The following MDN1 variants were observed in gnomAD, a reference collection of about 807,000 sequenced individuals.
The protein encoded by MDN1 is midasin.
MDN1 carries 266 observed loss-of-function variants against 669.2 expected under a neutral mutation model. The observed-to-expected ratio is 0.40, with a 90% confidence interval of 0.36 to 0.44. MDN1 has a LOEUF of 0.44. MDN1 is among the 20% of genes least tolerant of loss of function. MDN1 has a pLI of 1.00. For synonymous variants in MDN1, 2,385 were observed against 2,457.1 expected (o/e 0.97, Z 0.87); for missense variants, 5,940 against 6,754.0 (o/e 0.88, Z 4.22).
At chr6:89,756,017 T>C (rs1817226230) in intron 20 of MDN1, among the ~76,000 whole-genome samples, 1 of 152,182 alleles carries the variant, frequency 6.6e-6, no homozygotes, top group Non-Finnish European at 1.5e-5. Context: ...GCTATGAATA[T>C]AGAGGTAATC....
Position 89,668,113 on chromosome 6 carries a change from A to T in MDN1, c.13995T>A (p.Ala4665=). The part of the protein sequence containing the change: ...CLPKEFMEDS[A]GEGATEFHDY... ...CATGGAACTCAGTTGCTCCCTCTCC[A>T]GCTGAATCTTCCATAAATTCTTTGG... The change falls in exon 84 of 102, where the codon GCT becomes GCA. Residue 4665 remains alanine (A), a synonymous_variant. Transcript: ENST00000369393. 6.2e-7 allele frequency: 1 copy of T among 1,614,108 alleles called. No individual in the cohort carries two copies. Among genetic ancestry groups the T allele is most frequent in the Non-Finnish European group, 8.5e-7 (1 of 1,180,006 alleles).
chr6:89,702,600 T>C (rs963669082), intron 53 of MDN1, among the ~76,000 whole-genome samples: 3 of 152,260 alleles, frequency 2.0e-5, no homozygotes, highest in Non-Finnish European at 4.4e-5. Context: ...TCCAAGAAGA[T>C]ATTCTATTCA....
intron 53 of MDN1, among the ~76,000 whole-genome samples, chr6:89,703,818 C>T (rs1813335507): frequency 1.3e-5 from 2 of 151,940 alleles, no homozygotes; most frequent in South Asian, 4.2e-4. Context: ...TCCAGAACAG[C>T]CTGGCCAACA....
intron 74 of MDN1, among the ~76,000 whole-genome samples, 184 bp downstream of exon 74, chr6:89,680,405 T>C (rs1363109019): frequency 2.6e-5 from 4 of 152,234 alleles, no homozygotes; most frequent in Admixed American, 2.6e-4. Context: ...AAAATTATGA[T>C]TGTGTGTTCT....
At chr6:89,730,111 T>TA (rs1481256296) in intron 35 of MDN1, among the ~76,000 whole-genome samples, 4 of 152,210 alleles carry the variant, frequency 2.6e-5, no homozygotes, top group African/African-American at 9.6e-5. Context: ...GTAGCTAATC[T>TA]AACTGCCTCA....
At chr6:89,739,932 T>C (rs1285541523) in intron 32 of MDN1, among the ~76,000 whole-genome samples, 2 of 152,166 alleles carry the variant, frequency 1.3e-5, no homozygotes, top group African/African-American at 4.8e-5. Flanking sequence ...ACTACAATAA[T>C]AACTTTCTTG....
At chr6:89,650,384 C>T (rs2273240) in intron 96 of MDN1, among the ~76,000 whole-genome samples, 186 bp from the exon 97 acceptor site, 149,698 of 152,338 alleles carry the variant, frequency 0.98, 73,571 homozygotes, top group African/African-American at 1. Flanking sequence ...AAACTGGACA[C>T]GTATGTGGCA....
intron 14 of MDN1, among the ~76,000 whole-genome samples, chr6:89,772,276 CA>C (rs1818121681): frequency 6.6e-6 from 1 of 151,304 alleles, no homozygotes; most frequent in African/African-American, 2.4e-5. Flanking sequence ...GACCCTGTCT[CA>C]AAAAGAATAA....
rs12530146 is a variant in MDN1 at position 89,699,023 on chromosome 6, C to T, written c.9010G>A (p.Glu3004Lys). 0.085 allele frequency: 137,043 copies of T among 1,611,302 alleles called. 7,002 individuals are homozygous for T. Among genetic ancestry groups the T allele is most frequent in the East Asian group, 0.21 (9,419 of 44,842 alleles). The change falls in exon 59 of 102, where the codon GAA becomes AAA. Residue 3004 changes from glutamate to lysine, a missense_variant. By Grantham distance (56) the Glu-to-Lys change is moderately conservative (BLOSUM62 1). This residue lies in a region of MDN1 where 2,292 missense variants were observed against 2,638.3 expected (regional missense o/e 0.87). Transcript: ENST00000369393. ...AACTCGGACCACAAAGATGTAATTT[C>T]TTCAGGAGACACCTAGAAATAAAGG... The part of the protein sequence containing the change: ...LLHHQKVSPE[E>K]ITSLWSELFN...
In MDN1 at chr6:89,643,761, G is replaced by A; in HGVS notation, c.*244C>T. 2.7e-6 allele frequency: 1 copy of A among 374,720 alleles called. No homozygotes were observed. Among genetic ancestry groups the A allele is most frequent in the Non-Finnish European group, 4.7e-6 (1 of 210,730 alleles). The allele number at this position is 374,720 out of a possible 1,614,324, so 23.2% of individuals were successfully genotyped here. A position where few individuals can be genotyped will look rare whatever the true frequency, so the allele number is the denominator to read the frequency against. On this transcript the variant is annotated 3_prime_UTR_variant, in exon 102 of 102. Transcript: ENST00000369393. ...CTCCCAGGCCAGGGCTTCCAAGGCA[G>A]GGAAGAAGGATAACTCTTCTCTAGT...
At chr6:89,689,018 A>G (rs1812206365) in intron 65 of MDN1, among the ~76,000 whole-genome samples, 1 of 152,064 alleles carries the variant, frequency 6.6e-6, no homozygotes, top group Non-Finnish European at 1.5e-5. Context: ...AAAAATACAA[A>G]CATTAGCCAG....
chr6:89,768,416 T>G (rs1481972013), intron 15 of MDN1, among the ~76,000 whole-genome samples: 1 of 152,186 alleles, frequency 6.6e-6, no homozygotes, highest in Non-Finnish European at 1.5e-5. Context: ...TGCTCCTCCT[T>G]GTCTTGTGCT....
intron 9 of MDN1, among the ~76,000 whole-genome samples, chr6:89,783,330 A>C (rs540987526): frequency 1.3e-5 from 2 of 152,244 alleles, no homozygotes; most frequent in African/African-American, 4.8e-5. Flanking sequence ...TATGCGGTTA[A>C]GATAAGGACC....
intron 100 of MDN1, 123 bp from the exon 101 acceptor site, chr6:89,645,280 T>G: frequency 9.6e-7 from 1 of 1,044,260 alleles, no homozygotes; most frequent in Non-Finnish European, 1.3e-6. Flanking sequence ...TAAACAGACC[T>G]CTAAAGCTGA....
At chr6:89,791,835 A>T (rs1450633304) in intron 5 of MDN1, among the ~76,000 whole-genome samples, 1 of 151,978 alleles carries the variant, frequency 6.6e-6, no homozygotes, top group Non-Finnish European at 1.5e-5. Flanking sequence ...CGTGTAAAGT[A>T]AAAAATGTTA....
intron 82 of MDN1, 46 bp downstream of exon 82, chr6:89,672,154 C>T (rs1810837286): frequency 6.6e-7 from 1 of 1,514,962 alleles, no homozygotes; most frequent in South Asian, 1.4e-5. Flanking sequence ...TGCCTTTGCT[C>T]AGTGCATTCT....
At chr6:89,758,450 C>A in intron 18 of MDN1, 99 bp from the exon 19 acceptor site, 1 of 943,618 alleles carries the variant, frequency 1.1e-6, no homozygotes, top group South Asian at 1.6e-5. Flanking sequence ...TCACACCATC[C>A]TTGTCTTTTC....
intron 83 of MDN1, among the ~76,000 whole-genome samples, chr6:89,670,237 G>A (rs1376600722): frequency 2.3e-5 from 3 of 132,314 alleles, no homozygotes; most frequent in African/African-American, 8.7e-5. Context: ...GCAATGGCAT[G>A]ATTTTGGCTC....
intron 1 of MDN1, among the ~76,000 whole-genome samples, chr6:89,819,064 C>T (rs1387433458): frequency 6.6e-6 from 1 of 152,166 alleles, no homozygotes; most frequent in African/African-American, 2.4e-5. Flanking sequence ...AGCGCCACAC[C>T]GTTCCTTACG....
Sources: gnomAD v4.1 joint callset for allele counts (sites outside exome capture counted in the v4.1 genomes callset) on GRCh38, gnomAD v4.1.1 for gene constraint, gnomAD v4.1.1 regional missense constraint, MANE v1.5 for transcripts, NCBI Gene and HGNC (gene_info 2026-07-23, HGNC 2026-07-21) for gene names.